Variants in CCDC102B observed in about 807,000 individuals in gnomAD.
CCDC102B encodes coiled-coil domain containing 102B.
A neutral mutation model predicts 57.4 loss-of-function variants in CCDC102B; 75 were observed. That is an observed-to-expected ratio of 1.31 (90% CI 1.08 to 1.58). The LOEUF (loss-of-function observed/expected upper bound fraction) is 1.58. Ranked by LOEUF, CCDC102B falls within the 40% of genes most tolerant of loss-of-function variation. CCDC102B has a pLI of 0.00. For missense variants in CCDC102B, 636 were observed against 582.6 expected (o/e 1.09, Z -0.94); for synonymous variants, 206 against 201.9 (o/e 1.02, Z -0.17).
chr18:68,837,083 G>T lies in CCDC102B; in HGVS notation c.320G>T (p.Ser107Ile). 1 of 1,614,156 alleles carries T rather than the reference G, an allele frequency of 6.2e-7. No homozygotes were observed. The highest frequency in any genetic ancestry group is 8.5e-7 in the Non-Finnish European group (1 of 1,180,018). Reference sequence around the variant, plus strand: ...ACTGCCAACTGGAGAGAAAAATGGAGTAAAGTTCGAGCTGAAAGGAACAGT... The same window carrying T: ...ACTGCCAACTGGAGAGAAAAATGGATTAAAGTTCGAGCTGAAAGGAACAGT... Reference protein sequence around the residue: ...DCTANWREKWSKVRAERNSAR... With the variant: ...DCTANWREKWIKVRAERNSAR... Residue 107 changes from serine to isoleucine, a missense_variant, in exon 2 of 8, where the codon AGT becomes ATT. Ser to Ile is a moderately radical substitution (Grantham distance 142). Coordinates refer to ENST00000360242, the MANE Select transcript of CCDC102B (RefSeq NM_024781.3).
chr18:69,049,152 T>A (rs1339890853), intron 7 of CCDC102B, among the ~76,000 whole-genome samples: 11 of 152,062 alleles, frequency 7.2e-5, no homozygotes, highest in Non-Finnish European at 1.6e-4. Flanking sequence ...CAACCCGTCA[T>A]CTACATTAGG....
intron 6 of CCDC102B, among the ~76,000 whole-genome samples, chr18:68,906,089 G>A (rs925291293): frequency 2.0e-5 from 3 of 152,060 alleles, no homozygotes; most frequent in East Asian, 1.9e-4. Context: ...TACCACGCCC[G>A]GCCTACGTCT....
chr18:69,040,493 G>T (rs1599886202), intron 7 of CCDC102B, among the ~76,000 whole-genome samples: 1 of 151,182 alleles, frequency 6.6e-6, no homozygotes, highest in Non-Finnish European at 1.5e-5. Flanking sequence ...CAATTTGATG[G>T]TATTAAAATG....
At chr18:68,840,622 T>C (rs567354929) in intron 3 of CCDC102B, among the ~76,000 whole-genome samples, 1 of 152,324 alleles carries the variant, frequency 6.6e-6, no homozygotes, top group African/African-American at 2.4e-5. Flanking sequence ...TCTAGCCCTA[T>C]ACATTTCAGT....
chr18:68,957,572 T>TTTC (rs1555733506), intron 6 of CCDC102B, among the ~76,000 whole-genome samples: 1 of 151,464 alleles, frequency 6.6e-6, no homozygotes, highest in African/African-American at 2.4e-5. Flanking sequence ...TTTTTTTTTT[T>TTTC]TCTCTGAATG....
rs62096581 is a variant in CCDC102B at position 69,000,649 on chromosome 18, G to C, written c.1264-10285G>C. On this transcript the variant is annotated intron_variant, in intron 6 of 7. Coordinates refer to ENST00000360242, the MANE Select transcript of CCDC102B (RefSeq NM_024781.3). ...ATTTCTGTTTGTGATTGTTATAACA[G>C]AGTAAGTCCTGTTTTACAGATAAGA... Among the ~76,000 whole-genome samples, 319 of 152,190 alleles carry C rather than the reference G, an allele frequency of 2.1e-3. 2 individuals are homozygous for C. The highest frequency in any genetic ancestry group is 3.8e-3 in the Admixed American group (58 of 15,294).
At chr18:68,719,989 A>AT (rs987486535) in intron 2 of CCDC102B, among the ~76,000 whole-genome samples, 2 of 152,148 alleles carry the variant, frequency 1.3e-5, no homozygotes, top group East Asian at 1.9e-4. Flanking sequence ...AATTATTATT[A>AT]TTTTTTTGGT....
At position 69,054,266 on chromosome 18, in the gene CCDC102B, A is replaced by G. The variant is rs1345759627; in HGVS notation, c.*129A>G. On this transcript the variant is annotated 3_prime_UTR_variant, in exon 8 of 8. Transcript: ENST00000360242. ...ATGAAAAAAACGTAGACAATACACA[A>G]ATTAATGGGCTTCTTCACTTCTTCT... 1 of 1,338,584 alleles carries G rather than the reference A, an allele frequency of 7.5e-7. No homozygotes were observed. The highest frequency in any genetic ancestry group is 1.5e-5 in the African/African-American group (1 of 65,734). 82.9% of individuals were successfully genotyped at this position (1,338,584 alleles called of 1,614,324 possible). A position where few individuals can be genotyped will look rare whatever the true frequency, so the allele number is the denominator to read the frequency against.
At chr18:68,825,935 G>A (rs1308473371) in intron 1 of CCDC102B, among the ~76,000 whole-genome samples, 1 of 152,086 alleles carries the variant, frequency 6.6e-6, no homozygotes, top group Non-Finnish European at 1.5e-5. Flanking sequence ...GTTGTTAAAG[G>A]CACCATTTAA....
At chr18:69,041,341 T>C (rs548012634) in intron 7 of CCDC102B, among the ~76,000 whole-genome samples, 1 of 152,202 alleles carries the variant, frequency 6.6e-6, no homozygotes, top group South Asian at 2.1e-4. Flanking sequence ...GTTCCCCTTA[T>C]AGTTACCCCG....
intron 6 of CCDC102B, among the ~76,000 whole-genome samples, chr18:68,927,896 G>A (rs1363970520): frequency 3.3e-5 from 5 of 151,964 alleles, no homozygotes; most frequent in Middle Eastern, 3.4e-3. Flanking sequence ...TTTTTACAGG[G>A]AGTGTTTGTT....
At chr18:69,020,046 C>A (rs1478060460) in intron 7 of CCDC102B, among the ~76,000 whole-genome samples, 2 of 151,978 alleles carry the variant, frequency 1.3e-5, no homozygotes, top group Non-Finnish European at 2.9e-5. Context: ...TCCCCTGGTG[C>A]AAAATTTGTA....
chr18:68,819,137 A>C (rs886829199), intron 1 of CCDC102B, among the ~76,000 whole-genome samples: 1 of 152,132 alleles, frequency 6.6e-6, no homozygotes, highest in African/African-American at 2.4e-5. Flanking sequence ...AAATATTTTT[A>C]CTTTACGGTT....
At chr18:68,733,806 T>C (rs552129541) in intron 2 of CCDC102B, among the ~76,000 whole-genome samples, 2 of 152,220 alleles carry the variant, frequency 1.3e-5, no homozygotes, top group East Asian at 3.9e-4. Context: ...TTGTGATGCC[T>C]CATAAAAGCT....
chr18:68,832,427 G>A (rs1339336899), intron 1 of CCDC102B, among the ~76,000 whole-genome samples: 1 of 152,166 alleles, frequency 6.6e-6, no homozygotes, highest in Non-Finnish European at 1.5e-5. Context: ...GATGGCAGAA[G>A]TGATGTCTAT....
At chr18:68,870,370 T>C (rs1426345033) in intron 4 of CCDC102B, among the ~76,000 whole-genome samples, 4 of 152,036 alleles carry the variant, frequency 2.6e-5, no homozygotes, top group Admixed American at 6.6e-5. Context: ...ATAATAGTAA[T>C]AGAGAAAAGA....
intron 6 of CCDC102B, among the ~76,000 whole-genome samples, chr18:68,998,969 T>C (rs2012771): frequency 0.75 from 54,521 of 72,774 alleles, 18,803 homozygotes; most frequent in South Asian, 0.81. Context: ...ATAATCATCA[T>C]ATATATATAT....
intron 7 of CCDC102B, among the ~76,000 whole-genome samples, chr18:69,016,550 C>A (rs763733593): frequency 6.6e-6 from 1 of 152,112 alleles, no homozygotes; most frequent in Admixed American, 6.5e-5. Flanking sequence ...TAACGTGTTA[C>A]CTTAGTGTAT....
intron 2 of CCDC102B, chr18:68,721,649 G>A (rs1442354524): frequency 6.6e-6 from 1 of 152,192 alleles, no homozygotes; most frequent in African/African-American, 2.4e-5. Context: ...TATTGATACA[G>A]AGGTGGTTGC....
Sources: allele counts gnomAD v4.1 joint callset (sites outside exome capture counted in the v4.1 genomes callset), GRCh38; gene constraint gnomAD v4.1.1; transcripts MANE v1.5; gene names NCBI Gene and HGNC (gene_info 2026-07-23, HGNC 2026-07-21).